TTC7B: variants seen among roughly 807,000 people sequenced by gnomAD.
The protein encoded by TTC7B is tetratricopeptide repeat protein 7B.
TTC7B carries 28 observed loss-of-function variants against 106.8 expected under a neutral mutation model. That is an observed-to-expected ratio of 0.26 (90% confidence interval 0.19 to 0.36). TTC7B has a LOEUF of 0.36. TTC7B is among the 10% of genes least tolerant of loss of function. The pLI is 1.00. For missense variants in TTC7B, 862 were observed against 1,076.4 expected, an observed-to-expected ratio of 0.80 and a Z score of 2.79; for synonymous variants, 405 against 430.6, an observed-to-expected ratio of 0.94 and a Z score of 0.74.
intron 17 of TTC7B, chr14:90,603,117 G>C: frequency 2.0e-6 from 1 of 491,630 alleles, no homozygotes; most frequent in Non-Finnish European, 3.5e-6. Flanking sequence ...TGGCAGAGTG[G>C]GCAGGCAGGT....
chr14:90,751,473 C>T (rs1008990220), intron 3 of TTC7B, among the ~76,000 whole-genome samples: 33 of 152,254 alleles, frequency 2.2e-4, no homozygotes, highest in African/African-American at 7.7e-4. Context: ...CAGCTCACTG[C>T]AGCCTTGAAT....
intron 15 of TTC7B, among the ~76,000 whole-genome samples, chr14:90,621,576 G>A (rs1022608265): frequency 6.6e-6 from 1 of 152,188 alleles, no homozygotes; most frequent in African/African-American, 2.4e-5. Context: ...AGCCATGCGA[G>A]TATGGCCGGA....
Position 90,600,083 on chromosome 14 carries a change from G to A in TTC7B, c.1967-6457C>T, listed in dbSNP as rs190202615. Among the ~76,000 whole-genome samples, 4 of 152,318 alleles carry A rather than the reference G, an allele frequency of 2.6e-5. No individual in the cohort carries two copies. Among genetic ancestry groups the A allele is most frequent in the African/African-American group, 7.2e-5 (3 of 41,580 alleles). On this transcript the variant is annotated intron_variant, in intron 17 of 19. Transcript: ENST00000328459. The surrounding 1 kb of genome is among the most constrained non-coding windows in gnomAD (Gnocchi z 4.3). Reference sequence around the variant, plus strand: ...CTGGGGGCTGAGGACGGGAGGAGGCGAAGGAGTTAGTGTTGACTGTCTCTT... The same window carrying A: ...CTGGGGGCTGAGGACGGGAGGAGGCAAAGGAGTTAGTGTTGACTGTCTCTT...
At chr14:90,710,285 G>T (rs1888395688) in intron 5 of TTC7B, among the ~76,000 whole-genome samples, 1 of 152,210 alleles carries the variant, frequency 6.6e-6, no homozygotes, top group African/African-American at 2.4e-5. Flanking sequence ...GGGGCCTGAA[G>T]ATGTGACTGA....
chr14:90,789,140 C>T lies in TTC7B; in HGVS notation c.122-2812G>A, dbSNP rs145332899. Among the ~76,000 whole-genome samples the T allele has an allele frequency of 2.0e-5, 3 of 152,228 alleles. No homozygotes were observed. In the Middle Eastern group the frequency reaches 0.01, roughly 518 times the overall value. On this transcript the variant is annotated intron_variant, in intron 1 of 19. Coordinates refer to ENST00000328459, the MANE Select transcript of TTC7B (RefSeq NM_001010854.2). ...TCTTGAGACAGAGTTTCGCTCTTGTCGCCCAGGCTGGAGTGCAATGGCACA... is the reference window on the plus strand; with the variant it reads ...TCTTGAGACAGAGTTTCGCTCTTGTTGCCCAGGCTGGAGTGCAATGGCACA...
intron 1 of TTC7B, among the ~76,000 whole-genome samples, chr14:90,809,389 C>T (rs1287594547): frequency 1.3e-5 from 2 of 152,238 alleles, no homozygotes; most frequent in Non-Finnish European, 2.9e-5. Flanking sequence ...CTACTGGGGC[C>T]AGGGCCCCTA....
At chr14:90,785,988 C>T (rs1026269799) in intron 2 of TTC7B, among the ~76,000 whole-genome samples, 186 bp downstream of exon 2, 2 of 152,162 alleles carry the variant, frequency 1.3e-5, no homozygotes, top group Non-Finnish European at 2.9e-5. Flanking sequence ...CCCAGAAGCC[C>T]CCACAGTGGT....
chr14:90,565,157 T>G (rs1890736416), intron 19 of TTC7B, among the ~76,000 whole-genome samples: 1 of 152,210 alleles, frequency 6.6e-6, no homozygotes, highest in African/African-American at 2.4e-5. Flanking sequence ...GGATTAGGCT[T>G]TGGCTTAAGG....
rs570812063 is a variant in TTC7B, at chr14:90,702,119, C to T, written c.699-6541G>A. Among the ~76,000 whole-genome samples, 14 of 152,274 alleles carry T rather than the reference C, an allele frequency of 9.2e-5. No individual in the cohort carries two copies. In the South Asian group the frequency reaches 1.7e-3, roughly 18 times the overall value. On this transcript the variant is annotated intron_variant, in intron 5 of 19. Coordinates refer to ENST00000328459, the MANE Select transcript of TTC7B (RefSeq NM_001010854.2). Reference sequence around the variant, plus strand: ...GAGTCATGGTTACAGACCCTGGAGCCGGACAGCATGAGTTCAAGTCCAAGC... The same window carrying T: ...GAGTCATGGTTACAGACCCTGGAGCTGGACAGCATGAGTTCAAGTCCAAGC...
chr14:90,783,627 A>C (rs1306409404), intron 2 of TTC7B, among the ~76,000 whole-genome samples: 1 of 152,210 alleles, frequency 6.6e-6, no homozygotes, highest in Non-Finnish European at 1.5e-5. Flanking sequence ...ACTCAGACTC[A>C]AGCATTTTAA....
At chr14:90,798,554 T>C (rs1323118598) in intron 1 of TTC7B, among the ~76,000 whole-genome samples, 2 of 151,780 alleles carry the variant, frequency 1.3e-5, no homozygotes, top group Middle Eastern at 6.3e-3. Flanking sequence ...CTACTAAAAA[T>C]ACAAAAGTTA....
intron 8 of TTC7B, among the ~76,000 whole-genome samples, chr14:90,678,780 A>G (rs1433091257): frequency 6.6e-6 from 1 of 152,248 alleles, no homozygotes; most frequent in Non-Finnish European, 1.5e-5. Context: ...ATCTCCACTT[A>G]GTGCAAGCAT....
chr14:90,705,785 CT>C (rs1555391669), intron 5 of TTC7B, among the ~76,000 whole-genome samples: 1 of 152,158 alleles, frequency 6.6e-6, no homozygotes, highest in Non-Finnish European at 1.5e-5. Flanking sequence ...GCCTTGTCCA[CT>C]TTTTTTCACT....
chr14:90,795,679 G>C (rs1891752249), intron 1 of TTC7B, among the ~76,000 whole-genome samples: 1 of 152,208 alleles, frequency 6.6e-6, no homozygotes, highest in East Asian at 1.9e-4. Flanking sequence ...ATAGTCTGAA[G>C]TAAGTGGTGA....
intron 5 of TTC7B, among the ~76,000 whole-genome samples, chr14:90,726,474 G>T (rs149595680): frequency 1.1e-4 from 17 of 152,182 alleles, no homozygotes; most frequent in Non-Finnish European, 1.9e-4. Context: ...CAACCAGGAC[G>T]TGACCTGAAT....
intron 13 of TTC7B, 55 bp downstream of exon 13, chr14:90,652,786 A>T (rs969564160): frequency 3.0e-5 from 48 of 1,575,144 alleles, no homozygotes; most frequent in Non-Finnish European, 4.0e-5. Flanking sequence ...TTTTATACTC[A>T]TCATACTTTG....
intron 7 of TTC7B, among the ~76,000 whole-genome samples, chr14:90,688,160 C>T (rs535502144): frequency 6.6e-6 from 1 of 152,208 alleles, no homozygotes; most frequent in African/African-American, 2.4e-5. Flanking sequence ...TTCCTTCACA[C>T]AGAGATTCTG....
At chr14:90,664,585 A>T (rs1886337725) in intron 9 of TTC7B, among the ~76,000 whole-genome samples, 1 of 152,194 alleles carries the variant, frequency 6.6e-6, no homozygotes, top group Non-Finnish European at 1.5e-5. Context: ...TCACATTTTA[A>T]TAATGGTTCC....
At chr14:90,603,360 T>C (rs1286462) in intron 17 of TTC7B, 81,912 of 1,215,910 alleles carry the variant, frequency 0.067, 3,252 homozygotes, top group East Asian at 0.23. Context: ...ATTTGAAAAA[T>C]CAAAATTAAG....
Sources: allele counts gnomAD v4.1 joint callset (sites outside exome capture counted in the v4.1 genomes callset), GRCh38; gene constraint gnomAD v4.1.1; non-coding constraint Gnocchi (gnomAD v3.1); transcripts MANE v1.5; gene names NCBI Gene and HGNC (gene_info 2026-07-23, HGNC 2026-07-21).